The following WWOX variants were observed in gnomAD, a reference collection of about 807,000 sequenced individuals.
The protein encoded by WWOX is WW domain-containing oxidoreductase.
A neutral mutation model predicts 46.2 loss-of-function variants in WWOX; 69 were observed. The ratio of observed to expected loss-of-function variants is 1.49; its 90% CI spans 1.23 to 1.82. The LOEUF (loss-of-function observed/expected upper bound fraction) is 1.82. Ranked by LOEUF, WWOX falls within the 40% of genes most tolerant of loss-of-function variation. The pLI is 0.00. For missense variants in WWOX, 919 were observed against 542.6 expected, an observed-to-expected ratio of 1.69 and a Z score of -6.89; for synonymous variants, 359 against 202.6, an observed-to-expected ratio of 1.77 and a Z score of -6.56.
rs534807146 is a variant in WWOX at position 78,804,544 on chromosome 16, CTGA to C, written c.1056+371796_1056+371798del. 1.5e-4 allele frequency among the ~76,000 whole-genome samples: 23 copies of C among 152,308 alleles called. No homozygotes were observed. The South Asian group carries it at 4.8e-3, about 32-fold the overall frequency. ...TCTGCGTGTGGCTCTCATTTGGAGC[CTGA>C]TGAGAACTGTGGTTTCTCCCACTGG... On this transcript the variant is annotated intron_variant, in intron 8 of 8. Coordinates refer to ENST00000566780, the MANE Select transcript of WWOX (RefSeq NM_016373.4).
chr16:78,558,475 C>T (rs1440637643), intron 8 of WWOX, among the ~76,000 whole-genome samples: 1 of 152,248 alleles, frequency 6.6e-6, no homozygotes, highest in East Asian at 1.9e-4. Flanking sequence ...CATTTGGCTA[C>T]AGTTGGCTGG....
intron 8 of WWOX, among the ~76,000 whole-genome samples, chr16:78,716,743 GTC>G (rs2048571127): frequency 6.6e-6 from 1 of 152,044 alleles, no homozygotes; most frequent in Non-Finnish European, 1.5e-5. Flanking sequence ...AAAAAAAAGC[GTC>G]TCTATTCGAA....
At chr16:78,131,704 C>G (rs1239926007) in intron 4 of WWOX, among the ~76,000 whole-genome samples, 1 of 151,870 alleles carries the variant, frequency 6.6e-6, no homozygotes, top group Non-Finnish European at 1.5e-5. Context: ...GCCTCAGCCT[C>G]CTGAGTAGCT....
chr16:78,989,904 C>T (rs905871272), intron 8 of WWOX, among the ~76,000 whole-genome samples: 3 of 149,796 alleles, frequency 2.0e-5, no homozygotes, highest in Non-Finnish European at 4.4e-5. Context: ...CGGGGGATTC[C>T]AGGTACAGTG....
chr16:78,624,399 T>G (rs2046262600), intron 8 of WWOX, among the ~76,000 whole-genome samples: 1 of 152,186 alleles, frequency 6.6e-6, no homozygotes, highest in Admixed American at 6.5e-5. Flanking sequence ...AGACGAAGAT[T>G]TGGACGGTTT....
At chr16:79,028,959 T>C (rs1220053297) in intron 8 of WWOX, among the ~76,000 whole-genome samples, 1 of 151,786 alleles carries the variant, frequency 6.6e-6, no homozygotes, top group East Asian at 1.9e-4. Context: ...AGAGCATATC[T>C]AGTACCTATG....
intron 4 of WWOX, among the ~76,000 whole-genome samples, chr16:78,136,258 G>A (rs1045957702): frequency 6.6e-6 from 1 of 152,198 alleles, no homozygotes; most frequent in East Asian, 1.9e-4. Context: ...GGGATTTCAT[G>A]ATATCCCTAT....
chr16:78,906,708 C>T (rs2044974665), intron 8 of WWOX, among the ~76,000 whole-genome samples: 1 of 152,190 alleles, frequency 6.6e-6, no homozygotes, highest in Non-Finnish European at 1.5e-5. Context: ...ATCCTGTCAG[C>T]TCTATGGATG....
chr16:79,152,990 A>T (rs1034170873), intron 8 of WWOX, among the ~76,000 whole-genome samples: 1 of 152,140 alleles, frequency 6.6e-6, no homozygotes, highest in Non-Finnish European at 1.5e-5. Context: ...TGGGGGAAAT[A>T]CAAGGAAGGA....
intron 8 of WWOX, chr16:78,526,187 G>A (rs2043462183): frequency 6.6e-6 from 1 of 152,270 alleles, no homozygotes; most frequent in Non-Finnish European, 1.5e-5. Flanking sequence ...ACCAGTAGTG[G>A]AGCTAGGGAG....
intron 8 of WWOX, among the ~76,000 whole-genome samples, chr16:78,448,251 C>T (rs2083607148): frequency 6.6e-6 from 1 of 152,082 alleles, no homozygotes; most frequent in Non-Finnish European, 1.5e-5. Context: ...TAATGCATAA[C>T]GGGGGAGTAA....
At chr16:78,548,177 A>AACAT (rs1567636478) in intron 8 of WWOX, among the ~76,000 whole-genome samples, 1 of 95,070 alleles carries the variant, frequency 1.1e-5, no homozygotes, top group African/African-American at 3.1e-5. Flanking sequence ...AAAAAAAAAA[A>AACAT]ATTACGAATT....
chr16:78,226,050 A>G (rs527748976), intron 5 of WWOX, among the ~76,000 whole-genome samples: 22 of 152,312 alleles, frequency 1.4e-4, no homozygotes, highest in Admixed American at 8.5e-4. Context: ...AAAACTTGGC[A>G]TGTTGGCTCA....
intron 4 of WWOX, among the ~76,000 whole-genome samples, chr16:78,122,150 A>G (rs2033127561): frequency 6.6e-6 from 1 of 152,142 alleles, no homozygotes; most frequent in Non-Finnish European, 1.5e-5. Flanking sequence ...TATCCTAGGT[A>G]TGTATGTATA....
intron 8 of WWOX, among the ~76,000 whole-genome samples, chr16:79,015,200 A>G (rs2656656): frequency 0.4 from 61,328 of 151,744 alleles, 12,822 homozygotes; most frequent in African/African-American, 0.49. Flanking sequence ...AGGCCCTGGA[A>G]TAAGACAGTG....
intron 8 of WWOX, among the ~76,000 whole-genome samples, chr16:78,634,238 A>C (rs2151664351): frequency 6.6e-6 from 1 of 152,320 alleles, no homozygotes; most frequent in Middle Eastern, 3.4e-3. Flanking sequence ...AGCTAAGAGC[A>C]GGCAGTTAGT....
At chr16:78,968,179 G>C (rs35368632) in intron 8 of WWOX, among the ~76,000 whole-genome samples, 1 of 149,966 alleles carries the variant, frequency 6.7e-6, no homozygotes, top group African/African-American at 2.5e-5. Context: ...CGTGGTCTGC[G>C]TGGCACAGTG....
intron 8 of WWOX, among the ~76,000 whole-genome samples, chr16:78,573,425 A>G (rs1402559568): frequency 1.3e-5 from 2 of 152,246 alleles, no homozygotes; most frequent in Admixed American, 1.3e-4. Flanking sequence ...TGATGAAAAC[A>G]TAAGAATGTG....
At chr16:78,221,319 A>G (rs2036880672) in intron 5 of WWOX, among the ~76,000 whole-genome samples, 1 of 152,220 alleles carries the variant, frequency 6.6e-6, no homozygotes, top group Non-Finnish European at 1.5e-5. Flanking sequence ...TTCATAAAAC[A>G]GAAAGATTCC....
Sources: gnomAD v4.1 joint callset for allele counts (sites outside exome capture counted in the v4.1 genomes callset) on GRCh38, gnomAD v4.1.1 for gene constraint, MANE v1.5 for transcripts, NCBI Gene and HGNC (gene_info 2026-07-23, HGNC 2026-07-21) for gene names.